The following FSTL4 variants were observed in gnomAD, a reference collection of about 807,000 sequenced individuals.
FSTL4 encodes follistatin like 4.
Under a neutral mutation model 78.2 loss-of-function variants are expected in FSTL4, and 28 were observed. The ratio of observed to expected loss-of-function variants is 0.36; its 90% CI spans 0.27 to 0.49. The LOEUF (loss-of-function observed/expected upper bound fraction) is 0.49, where lower values mean the gene tolerates loss of function less well. FSTL4 is among the 20% of genes least tolerant of loss of function. FSTL4 has a pLI of 0.98. For synonymous variants in FSTL4, 422 were observed against 440.5 expected (o/e 0.96, Z 0.53); for missense variants, 922 against 1,084.9 (o/e 0.85, Z 2.11).
At chr5:133,807,445 C>A in the FSTL4 span, among the ~76,000 whole-genome samples, 5 of 152,162 alleles carry the variant, frequency 3.3e-5, no homozygotes, top group Non-Finnish European at 7.4e-5. Context: ...ATACTTTAAA[C>A]GGAGGACAAA....
At chr5:133,610,358 C>T (rs1313715445) in intron 1 of FSTL4, among the ~76,000 whole-genome samples, 2 of 152,194 alleles carry the variant, frequency 1.3e-5, no homozygotes, top group South Asian at 2.1e-4. Context: ...ACAACTCTAA[C>T]GAGCAATTTA....
rs187732006 is a variant in FSTL4 at position 133,249,164 on chromosome 5, C to A, written c.894+246G>T. On this transcript the variant is annotated intron_variant, in intron 7 of 15. Coordinates refer to ENST00000265342, the MANE Select transcript of FSTL4 (RefSeq NM_015082.2). Reference sequence around the variant, plus strand: ...TAATGCAGCCCCGTTCAGAGGCCTCCTGTCCCACCCATCGCATCTCTCTTC... The same window carrying A: ...TAATGCAGCCCCGTTCAGAGGCCTCATGTCCCACCCATCGCATCTCTCTTC... Among the ~76,000 whole-genome samples the A allele has an allele frequency of 1.7e-3, 258 of 152,356 alleles. 1 individual carries two copies. The highest frequency in any genetic ancestry group is 6.0e-3 in the African/African-American group (249 of 41,584).
At chr5:133,227,129 C>A (rs1037953618) in intron 8 of FSTL4, among the ~76,000 whole-genome samples, 2 of 152,190 alleles carry the variant, frequency 1.3e-5, no homozygotes, top group African/African-American at 4.8e-5. Context: ...CTCCAATGGT[C>A]CAGAGCTGTT....
chr5:133,331,707 C>T (rs1443038793), intron 4 of FSTL4, among the ~76,000 whole-genome samples: 1 of 152,156 alleles, frequency 6.6e-6, no homozygotes, highest in Non-Finnish European at 1.5e-5. Context: ...TTTATCTTAA[C>T]CTCTCGGACT....
the FSTL4 span, among the ~76,000 whole-genome samples, chr5:133,835,403 T>C: frequency 6.6e-6 from 1 of 152,202 alleles, no homozygotes; most frequent in Non-Finnish European, 1.5e-5. Flanking sequence ...AAGAAGAACA[T>C]GGTTCTGGAA....
chr5:133,548,321 G>A (rs781525054), intron 3 of FSTL4, among the ~76,000 whole-genome samples: 1 of 152,174 alleles, frequency 6.6e-6, no homozygotes, highest in Non-Finnish European at 1.5e-5. Context: ...AGCGTTTGAA[G>A]TGAGAGCAGT....
chr5:133,657,670 AAT>A, the FSTL4 span, among the ~76,000 whole-genome samples: 26 of 152,092 alleles, frequency 1.7e-4, no homozygotes, highest in Non-Finnish European at 3.4e-4. Flanking sequence ...ATGTTTATAT[AAT>A]TCAAAATGTT....
At chr5:133,210,100 C>T in intron 14 of FSTL4, 91 bp downstream of exon 14, 2 of 708,734 alleles carry the variant, frequency 2.8e-6, no homozygotes, top group Middle Eastern at 4.9e-4. Context: ...ATGTAATTAG[C>T]TACCCGGGGA....
chr5:133,808,524 G>C, the FSTL4 span, among the ~76,000 whole-genome samples: 1 of 152,240 alleles, frequency 6.6e-6, no homozygotes, highest in African/African-American at 2.4e-5. Context: ...CCCGCAGCTG[G>C]AAGTCCAGAT....
chr5:133,480,377 G>A (rs949579141), intron 3 of FSTL4, among the ~76,000 whole-genome samples: 13 of 152,156 alleles, frequency 8.5e-5, no homozygotes, highest in African/African-American at 3.1e-4. Flanking sequence ...TGAGTTTCTC[G>A]CAGAAACCGA....
chr5:133,825,413 G>T, the FSTL4 span, among the ~76,000 whole-genome samples: 4 of 152,170 alleles, frequency 2.6e-5, no homozygotes, highest in African/African-American at 9.7e-5. Flanking sequence ...CAAACTAATA[G>T]CTCCTCATTG....
At chr5:133,245,930 G>T (rs145862736) in intron 7 of FSTL4, among the ~76,000 whole-genome samples, 76 of 152,304 alleles carry the variant, frequency 5.0e-4, no homozygotes, top group African/African-American at 1.8e-3. Context: ...TTCTGTAATA[G>T]CTCTGTGACT....
chr5:133,573,489 A>G (rs897090351), intron 2 of FSTL4, among the ~76,000 whole-genome samples: 1 of 152,214 alleles, frequency 6.6e-6, no homozygotes, highest in Non-Finnish European at 1.5e-5. Context: ...GGGATGGTTC[A>G]TAATTAGAAA....
At chr5:133,391,050 G>A (rs545670917) in intron 4 of FSTL4, among the ~76,000 whole-genome samples, 1 of 152,148 alleles carries the variant, frequency 6.6e-6, no homozygotes, top group African/African-American at 2.4e-5. Context: ...ATCTAGAAAA[G>A]AGCATGAAAG....
the FSTL4 span, among the ~76,000 whole-genome samples, chr5:133,741,061 C>G: frequency 6.6e-6 from 1 of 151,958 alleles, no homozygotes; most frequent in African/African-American, 2.4e-5. Context: ...GAAAAGAGAG[C>G]AAGGGTAACC....
Position 133,276,862 on chromosome 5 carries a change from A to G in FSTL4, c.728-27286T>C, listed in dbSNP as rs751193215. The stretch of plus-strand genomic sequence containing the variant: ...TTCTTACAACAGAATATTATCATCA[A>G]TGAAAAGGAACAAACTCCTGCTATA... On this transcript the variant is annotated intron_variant, in intron 6 of 15. Coordinates refer to ENST00000265342, the MANE Select transcript of FSTL4 (RefSeq NM_015082.2). Among the ~76,000 whole-genome samples, 7 of 152,212 alleles carry G rather than the reference A, an allele frequency of 4.6e-5. No individual in the cohort carries two copies. The East Asian group carries it at 9.6e-4, about 21-fold the overall frequency.
chr5:133,741,041 CA>C, the FSTL4 span, among the ~76,000 whole-genome samples: 3 of 151,724 alleles, frequency 2.0e-5, no homozygotes, highest in Admixed American at 6.6e-5. Context: ...TATGAAACAC[CA>C]AAGGAGAGGA....
At chr5:133,400,428 G>A (rs192842805) in intron 4 of FSTL4, among the ~76,000 whole-genome samples, 11 of 152,278 alleles carry the variant, frequency 7.2e-5, no homozygotes, top group Middle Eastern at 3.4e-3. Context: ...GCAAAGGCCC[G>A]TCCTATGTGG....
intron 14 of FSTL4, chr5:133,208,288 T>G (rs1561618730): frequency 6.6e-6 from 1 of 152,192 alleles, no homozygotes; most frequent in African/African-American, 2.4e-5. Flanking sequence ...TGCTTGGGAA[T>G]AGAACCCTTG....
Sources: gnomAD v4.1 joint callset for allele counts (sites outside exome capture counted in the v4.1 genomes callset) on GRCh38, gnomAD v4.1.1 for gene constraint, MANE v1.5 for transcripts, NCBI Gene and HGNC (gene_info 2026-07-23, HGNC 2026-07-21) for gene names.